Variants in TRIM28 observed in about 807,000 individuals in gnomAD.
TRIM28 encodes the protein tripartite motif containing 28, also known as transcription intermediary factor 1-beta.
In TRIM28, 8 loss-of-function variants were observed where a neutral mutation model predicts 87.4. The ratio of observed to expected loss-of-function variants is 0.09; its 90% confidence interval spans 0.05 to 0.17. TRIM28 has a LOEUF of 0.17. TRIM28 is among the 10% of genes least tolerant of loss of function. The pLI is 1.00. For missense variants in TRIM28, 968 were observed against 1,131.8 expected, an observed-to-expected ratio of 0.86 and a Z score of 2.08; for synonymous variants, 601 against 454.3, an observed-to-expected ratio of 1.32 and a Z score of -4.11.
chr19:58,545,315 G>A (rs2053751362), intron 1 of TRIM28, 110 bp from the exon 2 acceptor site: 1 of 987,174 alleles, frequency 1.0e-6, no homozygotes. Flanking sequence ...GGAGGGGAGG[G>A]GCTGGTTCGC....
At chr19:58,546,010 G>A in intron 3 of TRIM28, 114 bp downstream of exon 3, 6 of 1,303,942 alleles carry the variant, frequency 4.6e-6, no homozygotes, top group Non-Finnish European at 6.1e-6. Flanking sequence ...AGGGGGTGCC[G>A]CCCGAAGGGC....
rs1428287518 is a variant in TRIM28, at chr19:58,548,766, C to T, written c.1350C>T (p.Gly450=). Residue 450 remains glycine (G), a synonymous_variant, in exon 10 of 17, where the codon GGC becomes GGT. Coordinates refer to ENST00000253024, the MANE Select transcript of TRIM28 (RefSeq NM_005762.3). ...CCATGGAGGTGCAGGAAGGCTATGGCTTTGGGTCAGGTGAGTGGGTCTGCC... is the reference window on the plus strand; with the variant it reads ...CCATGGAGGTGCAGGAAGGCTATGGTTTTGGGTCAGGTGAGTGGGTCTGCC... The part of the protein sequence containing the change: ...SQPMEVQEGY[G]FGSGDDPYSS... 8.7e-6 allele frequency: 14 copies of T among 1,614,064 alleles called. No homozygotes were observed. Among genetic ancestry groups the T allele is most frequent in the Admixed American group, 5.0e-5 (3 of 60,024 alleles).
Position 58,549,806 on chromosome 19 carries a change from G to A in TRIM28, c.2052G>A (p.Leu684=), listed in dbSNP as rs1282919355. Residue 684 remains leucine (L), a synonymous_variant, in exon 14 of 17, where the codon CTG becomes CTA. Transcript: ENST00000253024. The surrounding 1 kb of genome is among the most constrained non-coding windows in gnomAD (Gnocchi z 4.4). ...DLKEEDGSLS[L]DGADSTGVVA... ...AGGAGGAGGATGGCAGCCTCAGCCT[G>A]GATGGTGCAGACAGCACTGGCGTGG... 6.2e-7 allele frequency: 1 copy of A among 1,612,822 alleles called. No individual in the cohort carries two copies. Among genetic ancestry groups the A allele is most frequent in the East Asian group, 2.2e-5 (1 of 44,834 alleles).
At position 58,550,660 on chromosome 19, in the gene TRIM28, C is replaced by T; in HGVS notation, c.*107C>T. 2 of 1,109,074 alleles carry T rather than the reference C, an allele frequency of 1.8e-6. No homozygotes were observed. Among genetic ancestry groups the T allele is most frequent in the Non-Finnish European group, 2.5e-6 (2 of 791,658 alleles). The allele number at this position is 1,109,074 out of a possible 1,614,324, so 68.7% of individuals were successfully genotyped here. On this transcript the variant is annotated 3_prime_UTR_variant, in exon 17 of 17. Coordinates refer to ENST00000253024, the MANE Select transcript of TRIM28 (RefSeq NM_005762.3). The stretch of plus-strand genomic sequence containing the variant: ...CCCACTCCCTGGTGGCCCCATCCCC[C>T]AGTTCCTCACGATATGGTTTTTACT...
At chr19:58,545,302 CG>C in intron 1 of TRIM28, 122 bp from the exon 2 acceptor site, 1 of 943,392 alleles carries the variant, frequency 1.1e-6, no homozygotes, top group Non-Finnish European at 1.6e-6. Context: ...AAAGAAGGCT[CG>C]GGGAGGGGAG....
chr19:58,546,249 C>T (rs1223622646), intron 3 of TRIM28, among the ~76,000 whole-genome samples: 1 of 152,098 alleles, frequency 6.6e-6, no homozygotes, highest in African/African-American at 2.4e-5. Flanking sequence ...TTTGTGGTTC[C>T]CTGGCACACA....
Position 58,550,540 on chromosome 19 carries a change from GTGA to G in TRIM28, c.2498_2500del (p.Asp833del). 1 of 1,608,462 alleles carries G rather than the reference GTGA, an allele frequency of 6.2e-7. No homozygotes were observed. The highest frequency in any genetic ancestry group is 8.5e-7 in the Non-Finnish European group (1 of 1,179,828). ...TCCCAGGAGCTGTCTGGTGGCCCTG[GTGA>G]TGGCCCCTGAGGCTGGAGCCCCCAT... is the stretch of plus-strand genomic sequence containing the variant. On this transcript the variant is annotated inframe_deletion, in exon 17 of 17. Transcript: ENST00000253024.
chr19:58,546,162 A>AG (rs2122625229), intron 3 of TRIM28, among the ~76,000 whole-genome samples: 1 of 152,182 alleles, frequency 6.6e-6, no homozygotes, highest in East Asian at 1.9e-4. Flanking sequence ...AAGGCTTATC[A>AG]GGGAGTTGTC....
chr19:58,544,117 G>GACA lies in TRIM28; in HGVS notation c.-640_-639insCAA, dbSNP rs2053735491. On this transcript the variant is annotated 5_prime_UTR_variant, in exon 1 of 17. Transcript: ENST00000253024. ...CGGCGGCGAAGAGACGCGGGTTGAG[G>GACA]AAGAGGGACGGATTGCCCATGCGCT... 2 of 152,518 alleles carry GACA rather than the reference G, an allele frequency of 1.3e-5. No individual in the cohort carries two copies. The highest frequency in any genetic ancestry group is 4.1e-4 in the South Asian group (2 of 4,844). The allele number at this position is 152,518 out of a possible 1,614,324, so 9.4% of individuals were successfully genotyped here. A position where few individuals can be genotyped will look rare whatever the true frequency, so the allele number is the denominator to read the frequency against.
Position 58,544,822 on chromosome 19 carries a change from C to G in TRIM28, c.65C>G (p.Pro22Arg). 8.0e-7 allele frequency: 1 copy of G among 1,256,818 alleles called. No homozygotes were observed. Among genetic ancestry groups the G allele is most frequent in the Non-Finnish European group, 1.0e-6 (1 of 1,000,734 alleles). 77.9% of individuals were successfully genotyped at this position (1,256,818 alleles called of 1,614,324 possible). A position where few individuals can be genotyped will look rare whatever the true frequency, so the allele number is the denominator to read the frequency against. The change falls in exon 1 of 17, where the codon CCG becomes CGG. Residue 22 changes from proline (P) to arginine (R), a missense_variant. Transcript: ENST00000253024. ...AASAASGSPG[P>R]GEGSAGGEKR... ...TCGGCCGCCTCTGGCAGCCCGGGCC[C>G]GGGCGAGGGCTCCGCTGGCGGCGAA...
rs751342188 is a variant in TRIM28, at chr19:58,548,275, C to T, written c.1102-19C>T. The stretch of plus-strand genomic sequence containing the variant: ...GTTGTTGGTGTGCTCATTCTTTCCT[C>T]CCTTTCACTCCCAACCAGATCTACT... On this transcript the variant is annotated intron_variant, in intron 7 of 16. Transcript: ENST00000253024. 3.2e-5 allele frequency: 52 copies of T among 1,613,882 alleles called. No individual in the cohort carries two copies. Among genetic ancestry groups the T allele is most frequent in the Non-Finnish European group, 4.3e-5 (51 of 1,179,928 alleles).
chr19:58,550,016 C>T lies in TRIM28; in HGVS notation c.2174C>T (p.Thr725Ile). The T allele has an allele frequency of 6.2e-7, 1 of 1,614,110 alleles. No homozygotes were observed. Among genetic ancestry groups the T allele is most frequent in the Non-Finnish European group, 8.5e-7 (1 of 1,179,992 alleles). The change falls in exon 15 of 17, where the codon ACC becomes ATC. Residue 725 changes from threonine to isoleucine, a missense_variant. Thr to Ile is a moderately conservative substitution (Grantham distance 89, BLOSUM62 -1). Around this residue, in one of 11 missense-constraint regions of TRIM28, gnomAD observed 192 missense variants for 225.6 expected, o/e 0.85. Transcript: ENST00000253024. ...TGCCGCCCCCTGCATCAGCTGGCTA[C>T]CGACTCCACCTTCTCCCTGGTGAGT... ...EPCRPLHQLA[T>I]DSTFSLDQPG...
chr19:58,545,193 G>C, intron 1 of TRIM28, 96 bp downstream of exon 1: 1 of 1,185,560 alleles, frequency 8.4e-7, no homozygotes, highest in Non-Finnish European at 1.1e-6. Flanking sequence ...GCGAGAGGAT[G>C]GGGGCCCGGA....
intron 2 of TRIM28, 96 bp from the exon 3 acceptor site, chr19:58,545,668 A>G (rs764815688): frequency 1.9e-6 from 3 of 1,553,146 alleles, no homozygotes; most frequent in East Asian, 2.3e-5. Context: ...GGTTGGGTCA[A>G]GGGACCAATC....
intron 3 of TRIM28, 64 bp from the exon 4 acceptor site, chr19:58,547,312 A>T: frequency 6.3e-7 from 1 of 1,592,618 alleles, no homozygotes; most frequent in South Asian, 1.1e-5. Flanking sequence ...GCCCCAACTC[A>T]TTCTGCTTCC....
Position 58,548,612 on chromosome 19 carries a change from C to T in TRIM28, c.1323+20C>T. 6.2e-7 allele frequency: 1 copy of T among 1,602,010 alleles called. No individual in the cohort carries two copies. Among genetic ancestry groups the T allele is most frequent in the South Asian group, 1.1e-5 (1 of 90,838 alleles). On this transcript the variant is annotated intron_variant, in intron 9 of 16. Transcript: ENST00000253024. ...AGCCAGGTGAGCAGGAGAGAGGACC[C>T]AGGAAGGGGTGGGCAGGGAATGGGG...
chr19:58,545,089 A>T lies in TRIM28; in HGVS notation c.332A>T (p.Asp111Val). Residue 111 changes from aspartate (D) to valine (V), a missense_variant, in exon 1 of 17, where the codon GAC (aspartate) becomes GTC (valine). Physicochemically the swap from Asp to Val is radical, Grantham distance 152. Transcript: ENST00000253024. The part of the protein sequence containing the change: ...NSSGDGGAAG[D>V]GTVVDCPVCK... Reference sequence around the variant, plus strand: ...TCGGGGGACGGCGGGGCGGCGGGCGACGGCACCGGTAAGTACGAAGTGATC... The same window carrying T: ...TCGGGGGACGGCGGGGCGGCGGGCGTCGGCACCGGTAAGTACGAAGTGATC... 1 of 1,427,800 alleles carries T rather than the reference A, an allele frequency of 7.0e-7. No individual in the cohort carries two copies. The highest frequency in any genetic ancestry group is 9.1e-7 in the Non-Finnish European group (1 of 1,103,894). The allele number at this position is 1,427,800 out of a possible 1,614,324, so 88.4% of individuals were successfully genotyped here.
chr19:58,550,261 A>G lies in TRIM28; in HGVS notation c.2308A>G (p.Lys770Glu). The G allele has an allele frequency of 6.2e-7, 1 of 1,614,112 alleles. No homozygotes were observed. The highest frequency in any genetic ancestry group is 8.5e-7 in the Non-Finnish European group (1 of 1,180,002). ...EFAQDVGRMFKQFNKLTEDKA... is the reference protein window; with the variant it reads ...EFAQDVGRMFEQFNKLTEDKA... ...TGCCCAGGATGTGGGCCGCATGTTC[A>G]AGCAATTCAACAAGTTAACTGAGGT... is the stretch of plus-strand genomic sequence containing the variant. Residue 770 changes from lysine (K) to glutamate (E), a missense_variant, in exon 16 of 17, where the codon AAG becomes GAG. Lys to Glu is a moderately conservative substitution (Grantham distance 56). Transcript: ENST00000253024.
In TRIM28 at chr19:58,549,353, T is replaced by C; in HGVS notation, c.1685T>C (p.Ile562Thr). Residue 562 changes from isoleucine (I) to threonine (T), a missense_variant, in exon 13 of 17, where the codon ATT becomes ACT. This residue lies in a region of TRIM28 where 164 missense variants were observed against 146.2 expected (regional missense o/e 1.12). Transcript: ENST00000253024. The surrounding 1 kb of genome is among the most constrained non-coding windows in gnomAD (Gnocchi z 4.4). ...IVKEEETEAA[I>T]GAPPTATEGP... The stretch of plus-strand genomic sequence containing the variant: ...CAGGAGGAGGAGACGGAGGCTGCCA[T>C]TGGAGCCCCTCCTACTGCCACTGAG... The C allele has an allele frequency of 6.4e-7, 1 of 1,567,386 alleles. No homozygotes were observed. Among genetic ancestry groups the C allele is most frequent in the Non-Finnish European group, 8.7e-7 (1 of 1,153,782 alleles).
Sources: allele counts gnomAD v4.1 joint callset (sites outside exome capture counted in the v4.1 genomes callset), GRCh38; gene constraint gnomAD v4.1.1; regional missense constraint gnomAD v4.1.1; non-coding constraint Gnocchi (gnomAD v3.1); transcripts MANE v1.5; gene names NCBI Gene and HGNC (gene_info 2026-07-23, HGNC 2026-07-21).